KDM4B: variants seen among roughly 807,000 people sequenced by gnomAD.
KDM4B encodes lysine demethylase 4B, also known as lysine-specific demethylase 4B.
KDM4B carries 32 observed loss-of-function variants against 125.2 expected under a neutral mutation model. The observed-to-expected ratio is 0.26, with a 90% CI of 0.19 to 0.34. The LOEUF (loss-of-function observed/expected upper bound fraction) is 0.34, where lower values mean the gene tolerates loss of function less well. Ranked by LOEUF, KDM4B falls within the 10% of genes least tolerant of loss-of-function variation. KDM4B has a pLI of 1.00. For missense variants in KDM4B, 1,190 were observed against 1,577.7 expected (o/e 0.75, Z 4.16); for synonymous variants, 721 against 677.9 (o/e 1.06, Z -0.99).
At chr19:5,036,970 G>T (rs753948059) in intron 3 of KDM4B, among the ~76,000 whole-genome samples, 1 of 152,234 alleles carries the variant, frequency 6.6e-6, no homozygotes, top group African/African-American at 2.4e-5. Context: ...CGCAGACACC[G>T]TGGGGGTGTT....
Position 5,131,148 on chromosome 19 carries a change from C to A in KDM4B, c.1388C>A (p.Pro463His). The A allele has an allele frequency of 6.4e-7, 1 of 1,553,706 alleles. No individual in the cohort carries two copies. The highest frequency in any genetic ancestry group is 8.7e-7 in the Non-Finnish European group (1 of 1,149,846). ...AAGAAGAAGAGCTTCGGCCTGCTGCCCCCACAGCTGCCGCCCCCGCCTGCT... is the reference window on the plus strand; with the variant it reads ...AAGAAGAAGAGCTTCGGCCTGCTGCACCCACAGCTGCCGCCCCCGCCTGCT... ...ERKKKSFGLL[P>H]PQLPPPPAHF... Residue 463 changes from proline to histidine, a missense_variant, in exon 12 of 23, where the codon CCC becomes CAC. Around this residue, in one of 7 missense-constraint regions of KDM4B, gnomAD observed 428 missense variants for 405.1 expected, o/e 1.06. Transcript: ENST00000159111.
intron 21 of KDM4B, among the ~76,000 whole-genome samples, chr19:5,148,743 G>C (rs554793045): frequency 6.6e-6 from 1 of 152,176 alleles, no homozygotes; most frequent in South Asian, 2.1e-4. Context: ...GCCTGGCCAC[G>C]CCGGGGGTGG....
chr19:5,071,126 G>T, intron 7 of KDM4B, 67 bp downstream of exon 7: 1 of 1,467,676 alleles, frequency 6.8e-7, no homozygotes, highest in South Asian at 1.2e-5. Flanking sequence ...GGTGGGGAAG[G>T]GCAGCTGGCG....
rs1037691001 is a variant in KDM4B at position 5,082,831 on chromosome 19, C to T, written c.918+327C>T. ...CTCGGGTCTAGGGGTTGGGGTGTTT[C>T]CTCCACCAGCACCATTGTCCCCCCT... is the stretch of plus-strand genomic sequence containing the variant. On this transcript the variant is annotated intron_variant, in intron 9 of 22. Coordinates refer to ENST00000159111, the MANE Select transcript of KDM4B (RefSeq NM_015015.3). The surrounding 1 kb of genome is among the most constrained non-coding windows in gnomAD (Gnocchi z 5.4). Among the ~76,000 whole-genome samples, 1 of 152,184 alleles carries T rather than the reference C, an allele frequency of 6.6e-6. No homozygotes were observed. The highest frequency in any genetic ancestry group is 6.5e-5 in the Admixed American group (1 of 15,286).
rs370565907 is a variant in KDM4B, at chr19:5,125,952, C to T, written c.1316-5124C>T. 1.4e-4 allele frequency among the ~76,000 whole-genome samples: 22 copies of T among 152,320 alleles called. No individual in the cohort carries two copies. The South Asian group carries it at 3.3e-3, about 23-fold the overall frequency. On this transcript the variant is annotated intron_variant, in intron 11 of 22. Transcript: ENST00000159111. Reference sequence around the variant, plus strand: ...CGAGAGAGCCTCATAAATGCATGTTCACAGTCAGGGGCACGACAGGAAATG... The same window carrying T: ...CGAGAGAGCCTCATAAATGCATGTTTACAGTCAGGGGCACGACAGGAAATG...
intron 1 of KDM4B, among the ~76,000 whole-genome samples, chr19:4,972,384 G>A (rs543298620): frequency 6.6e-6 from 1 of 152,302 alleles, no homozygotes; most frequent in East Asian, 1.9e-4. Flanking sequence ...AAAAGGCGCT[G>A]AAGCTTGCAG....
At chr19:5,036,925 G>C (rs2036645355) in intron 3 of KDM4B, among the ~76,000 whole-genome samples, 1 of 152,222 alleles carries the variant, frequency 6.6e-6, no homozygotes. Flanking sequence ...ACCTGCCTGG[G>C]CTGTGTCACC....
At chr19:4,973,794 C>A (rs1436299197) in intron 1 of KDM4B, among the ~76,000 whole-genome samples, 1 of 149,126 alleles carries the variant, frequency 6.7e-6, no homozygotes, top group Non-Finnish European at 1.5e-5. Context: ...TTGCTGTGAA[C>A]CTAAAACTGC....
At chr19:4,995,619 G>T (rs1346021621) in intron 1 of KDM4B, among the ~76,000 whole-genome samples, 1 of 152,148 alleles carries the variant, frequency 6.6e-6, no homozygotes, top group Admixed American at 6.5e-5. Flanking sequence ...GAGAGTGGGT[G>T]CCATCATCGT....
chr19:5,030,069 G>A (rs932655591), intron 2 of KDM4B, among the ~76,000 whole-genome samples: 22 of 152,172 alleles, frequency 1.4e-4, no homozygotes, highest in Non-Finnish European at 2.4e-4. Flanking sequence ...ACGAGCCCCC[G>A]CAACCCCACG....
intron 1 of KDM4B, among the ~76,000 whole-genome samples, chr19:4,978,619 G>C (rs538374014): frequency 3.3e-5 from 5 of 151,680 alleles, no homozygotes; most frequent in African/African-American, 1.2e-4. Context: ...CTCTAGCCAC[G>C]GGTGTCCTGC....
intron 3 of KDM4B, among the ~76,000 whole-genome samples, chr19:5,037,599 C>T (rs1020132163): frequency 3.9e-5 from 6 of 152,176 alleles, no homozygotes; most frequent in African/African-American, 1.2e-4. Context: ...TCCTTGGGAC[C>T]GGCCTCATCT....
Position 5,073,870 on chromosome 19 carries a change from G to A in KDM4B, c.676+2811G>A, listed in dbSNP as rs375859493. Among the ~76,000 whole-genome samples, 9 of 152,288 alleles carry A rather than the reference G, an allele frequency of 5.9e-5. 2 individuals are homozygous for A. The highest frequency in any genetic ancestry group is 2.2e-4 in the African/African-American group (9 of 41,556). On this transcript the variant is annotated intron_variant, in intron 7 of 22. Coordinates refer to ENST00000159111, the MANE Select transcript of KDM4B (RefSeq NM_015015.3). ...AGTAGCTCACACCTGGAATCCCAGT[G>A]CTTTGAGAGGCTGACGTCAGAGGAT...
intron 1 of KDM4B, among the ~76,000 whole-genome samples, chr19:4,994,020 G>GTTTTTTTTTTTTTTTTT (rs55641886): frequency 1.5e-4 from 10 of 66,676 alleles, no homozygotes; most frequent in East Asian, 9.2e-4. Flanking sequence ...TTTTCAGCCT[G>GTTTTTTTTTTTTTTTTT]TTTTTTTTTT....
intron 6 of KDM4B, among the ~76,000 whole-genome samples, chr19:5,048,756 C>T (rs1394432701): frequency 3.3e-5 from 5 of 152,254 alleles, no homozygotes; most frequent in East Asian, 1.9e-4. Context: ...TGGGGCAAAG[C>T]GTGGCCTCCC....
intron 9 of KDM4B, among the ~76,000 whole-genome samples, chr19:5,084,462 TA>T (rs1182610183): frequency 1.0e-4 from 14 of 138,924 alleles, no homozygotes; most frequent in East Asian, 3.9e-4. Flanking sequence ...ATAATTTATA[TA>T]TTATATATAA....
chr19:5,049,485 G>A (rs951166608), intron 6 of KDM4B, among the ~76,000 whole-genome samples: 11 of 152,024 alleles, frequency 7.2e-5, no homozygotes, highest in African/African-American at 2.7e-4. Flanking sequence ...CCCAGGAAGG[G>A]GTGGGGATGG....
chr19:5,058,166 G>T (rs997220415), intron 6 of KDM4B, among the ~76,000 whole-genome samples: 8 of 152,242 alleles, frequency 5.3e-5, no homozygotes, highest in Admixed American at 2.6e-4. Context: ...TGCCATGTGG[G>T]TGCTGGGTGC....
At chr19:5,117,435 C>T (rs570601500) in intron 10 of KDM4B, among the ~76,000 whole-genome samples, 4 of 152,218 alleles carry the variant, frequency 2.6e-5, no homozygotes, top group Non-Finnish European at 5.9e-5. Context: ...TGTCTGGGAC[C>T]AGGGCGGGTC....
Sources: gnomAD v4.1 joint callset for allele counts (sites outside exome capture counted in the v4.1 genomes callset) on GRCh38, gnomAD v4.1.1 for gene constraint, gnomAD v4.1.1 regional missense constraint, Gnocchi (gnomAD v3.1) non-coding constraint, MANE v1.5 for transcripts, NCBI Gene and HGNC (gene_info 2026-07-23, HGNC 2026-07-21) for gene names.